ANKS1B: variants seen among roughly 807,000 people sequenced by gnomAD.
The protein encoded by ANKS1B is ankyrin repeat and sterile alpha motif domain containing 1B, also known as ankyrin repeat and sterile alpha motif domain-containing protein 1B.
A neutral mutation model predicts 148.3 loss-of-function variants in ANKS1B; 36 were observed. That is an observed-to-expected ratio of 0.24 (90% confidence interval 0.19 to 0.32). ANKS1B has a LOEUF of 0.32. Among genes scored for constraint, ANKS1B ranks in the 10% least tolerant of loss-of-function variants. The pLI is 1.00. For synonymous variants in ANKS1B, 542 were observed against 560.8 expected, an observed-to-expected ratio of 0.97 and a Z score of 0.47; for missense variants, 1,157 against 1,542.6, an observed-to-expected ratio of 0.75 and a Z score of 4.19.
chr12:99,048,984 T>C (rs557995977), intron 17 of ANKS1B: 1 of 152,332 alleles, frequency 6.6e-6, no homozygotes, highest in African/African-American at 2.4e-5. Context: ...AATGCAATGC[T>C]TAAATCCACA....
chr12:98,955,676 G>C (rs1409353097), intron 17 of ANKS1B, among the ~76,000 whole-genome samples: 2 of 152,150 alleles, frequency 1.3e-5, no homozygotes, highest in Non-Finnish European at 2.9e-5. Context: ...GAGAGACAGA[G>C]AGGCATCCAG....
intron 14 of ANKS1B, among the ~76,000 whole-genome samples, chr12:99,216,010 G>T (rs1458758345): frequency 6.6e-6 from 1 of 152,188 alleles, no homozygotes; most frequent in Non-Finnish European, 1.5e-5. Flanking sequence ...TCAAGGGAGG[G>T]CCCTGGAGGG....
At position 99,015,630 on chromosome 12, in the gene ANKS1B, G is replaced by A. The variant is rs2099942004; in HGVS notation, c.2778+37527C>T. On this transcript the variant is annotated intron_variant, in intron 17 of 26. Coordinates refer to ENST00000683438, the MANE Select transcript of ANKS1B (RefSeq NM_001352186.2). ...GCCTGTAATCCCAGCACTTTGAGAG[G>A]CCGAGGTGGGCGGATCAGGAGGTCA... Among the ~76,000 whole-genome samples, 4 of 152,132 alleles carry A rather than the reference G, an allele frequency of 2.6e-5. No individual in the cohort carries two copies. In the South Asian group the frequency reaches 8.3e-4, roughly 32 times the overall value.
chr12:99,830,981 C>T (rs1159871439), intron 1 of ANKS1B, among the ~76,000 whole-genome samples: 1 of 152,074 alleles, frequency 6.6e-6, no homozygotes, highest in Non-Finnish European at 1.5e-5. Context: ...ATTATTCAGT[C>T]AAAAATAGCA....
At chr12:99,627,982 A>T (rs141623376) in intron 9 of ANKS1B, among the ~76,000 whole-genome samples, 189 of 152,278 alleles carry the variant, frequency 1.2e-3, no homozygotes, top group Non-Finnish European at 2.4e-3. Flanking sequence ...TCATTTAAGG[A>T]TGAGGATACA....
intron 4 of ANKS1B, among the ~76,000 whole-genome samples, chr12:99,795,386 A>C (rs963473237): frequency 2.0e-5 from 3 of 151,962 alleles, no homozygotes; most frequent in Non-Finnish European, 4.4e-5. Flanking sequence ...AGAGAAAAAA[A>C]ATCTATCAAC....
chr12:99,967,949 T>C (rs568968485), intron 1 of ANKS1B, among the ~76,000 whole-genome samples: 1 of 150,350 alleles, frequency 6.7e-6, no homozygotes, highest in East Asian at 2.0e-4. Context: ...AAAATGGAGA[T>C]CTATGGTATG....
intron 9 of ANKS1B, among the ~76,000 whole-genome samples, chr12:98,736,047 G>C (rs1168094761): frequency 6.6e-6 from 1 of 152,200 alleles, no homozygotes; most frequent in Non-Finnish European, 1.5e-5. Context: ...AGAAGGGTGA[G>C]TGTGAGGAGT....
chr12:99,638,259 G>C (rs1257360340), intron 9 of ANKS1B, among the ~76,000 whole-genome samples: 2 of 152,146 alleles, frequency 1.3e-5, no homozygotes, highest in Non-Finnish European at 2.9e-5. Context: ...GAAAATGTGG[G>C]AAAGTCTGCA....
chr12:99,755,146 C>T (rs1438978341), intron 8 of ANKS1B, among the ~76,000 whole-genome samples: 1 of 147,062 alleles, frequency 6.8e-6, no homozygotes, highest in African/African-American at 2.5e-5. Flanking sequence ...CAAATAAACA[C>T]AATCAGAAAT....
chr12:99,881,602 G>C (rs1043328174), intron 1 of ANKS1B, among the ~76,000 whole-genome samples: 2 of 152,178 alleles, frequency 1.3e-5, no homozygotes, highest in African/African-American at 4.8e-5. Context: ...CACATACAGA[G>C]ATATGATCTT....
At chr12:99,268,728 C>T (rs2076711937) in intron 12 of ANKS1B, among the ~76,000 whole-genome samples, 1 of 152,178 alleles carries the variant, frequency 6.6e-6, no homozygotes, top group African/African-American at 2.4e-5. Context: ...CAATCACTTT[C>T]CTGTTTTATG....
chr12:98,939,550 G>A (rs917550113), intron 17 of ANKS1B, among the ~76,000 whole-genome samples: 1 of 152,148 alleles, frequency 6.6e-6, no homozygotes. Context: ...CCTTGAAGTC[G>A]GGCAGGCAGG....
chr12:99,127,000 T>G (rs549575430), intron 15 of ANKS1B, among the ~76,000 whole-genome samples: 1 of 152,258 alleles, frequency 6.6e-6, no homozygotes, highest in South Asian at 2.1e-4. Context: ...AAACTAACCT[T>G]GGGAGATTAT....
intron 10 of ANKS1B, among the ~76,000 whole-genome samples, chr12:99,489,201 C>A (rs2096531746): frequency 6.8e-6 from 1 of 147,792 alleles, no homozygotes; most frequent in South Asian, 2.2e-4. Flanking sequence ...GAGATGACGC[C>A]ATTGCACTCC....
intron 9 of ANKS1B, chr12:99,648,444 A>G: frequency 1.9e-6 from 3 of 1,614,130 alleles, no homozygotes; most frequent in Non-Finnish European, 2.5e-6. Flanking sequence ...TGCTGGCCCG[A>G]CCAGCTGCTG....
chr12:99,734,943 T>C (rs926473521), intron 8 of ANKS1B, among the ~76,000 whole-genome samples: 4 of 152,146 alleles, frequency 2.6e-5, no homozygotes, highest in Admixed American at 6.6e-5. Flanking sequence ...TGCACCTCAT[T>C]GTTCCTCCTT....
chr12:99,748,252 G>T (rs1311169981), intron 8 of ANKS1B, among the ~76,000 whole-genome samples: 4 of 152,034 alleles, frequency 2.6e-5, no homozygotes, highest in Non-Finnish European at 4.4e-5. Context: ...GTGGCCAGAT[G>T]AAAGTAAAAA....
At chr12:99,639,751 G>A (rs1279547176) in intron 9 of ANKS1B, among the ~76,000 whole-genome samples, 1 of 152,188 alleles carries the variant, frequency 6.6e-6, no homozygotes, top group Non-Finnish European at 1.5e-5. Flanking sequence ...TTGATTGTAA[G>A]TTTCCTGAGG....
Sources: gnomAD v4.1 joint callset for allele counts (sites outside exome capture counted in the v4.1 genomes callset) on GRCh38, gnomAD v4.1.1 for gene constraint, MANE v1.5 for transcripts, NCBI Gene and HGNC (gene_info 2026-07-23, HGNC 2026-07-21) for gene names.